EPPK1: variants seen among roughly 807,000 people sequenced by gnomAD.
The protein encoded by EPPK1 is epiplakin 1.
For missense variants in EPPK1, 3,823 were observed against 3,673.3 expected (o/e 1.04, Z -1.05); for synonymous variants, 1,862 against 1,721.2 (o/e 1.08, Z -2.03).
chr8:143,857,781 A>G lies in EPPK1; in HGVS notation c.*206T>C, dbSNP rs1171106230. 2.0e-6 allele frequency: 1 copy of G among 492,162 alleles called. No homozygotes were observed. The highest frequency in any genetic ancestry group is 3.8e-5 in the Admixed American group (1 of 26,460). 30.5% of individuals were successfully genotyped at this position (492,162 alleles called of 1,614,324 possible). ...ATGACACATAGACGACCCAGAAAAC[A>G]CACCAAAAAACTTATGAAACACCTC... is the stretch of plus-strand genomic sequence containing the variant. On this transcript the variant is annotated 3_prime_UTR_variant, in exon 2 of 2. Coordinates refer to ENST00000615648, the MANE Select transcript of EPPK1 (RefSeq NM_031308.4).
intron 1 of EPPK1, among the ~76,000 whole-genome samples, chr8:143,875,279 G>A (rs190618350): frequency 6.2e-4 from 95 of 152,282 alleles, no homozygotes; most frequent in African/African-American, 1.6e-3. Flanking sequence ...GTCGAGGCTC[G>A]TAGATGCCCC....
intron 1 of EPPK1, among the ~76,000 whole-genome samples, chr8:143,876,974 C>G (rs1417824280): frequency 6.6e-6 from 1 of 152,262 alleles, no homozygotes; most frequent in Non-Finnish European, 1.5e-5. Context: ...AGGCCGCGTG[C>G]TAAGCGGGCC....
Position 143,870,710 on chromosome 8 carries a change from C to T in EPPK1, c.2544G>A (p.Arg848=), listed in dbSNP as rs781885897. The change falls in exon 2 of 2, where the codon AGG becomes AGA. Residue 848 remains arginine, a synonymous_variant. Coordinates refer to ENST00000615648, the MANE Select transcript of EPPK1 (RefSeq NM_031308.4). This position sits in a 1 kb window ranked among gnomAD's most constrained non-coding sequence, Gnocchi z 5.2. Reference sequence around the variant, plus strand: ...GCTGCCGGTAGCGACGCAGCAGCTGCCTCCTGCGGCCCTCGCTGAAGTACT... The same window carrying T: ...GCTGCCGGTAGCGACGCAGCAGCTGTCTCCTGCGGCCCTCGCTGAAGTACT... ...NSEYFSEGRR[R]QLLRRYRQRE... 3 of 1,610,978 alleles carry T rather than the reference C, an allele frequency of 1.9e-6. No individual in the cohort carries two copies. Among genetic ancestry groups the T allele is most frequent in the South Asian group, 1.1e-5 (1 of 90,872 alleles).
At chr8:143,875,952 C>T (rs987675208) in intron 1 of EPPK1, among the ~76,000 whole-genome samples, 5 of 152,076 alleles carry the variant, frequency 3.3e-5, no homozygotes, top group African/African-American at 9.7e-5. Context: ...CCCCACCCCC[C>T]ACCCCCCACT....
rs2130643015 is a variant in EPPK1, at chr8:143,870,921, T to C, written c.2333A>G (p.Tyr778Cys). ...CACACAGCGCTCCAGAAGCTGCAGG[T>C]ACGTGAGGTTCTCGTGCGTGTTGGG... ...FDPNTHENLT[Y>C]LQLLERCVRD... is the part of the protein sequence containing the mutation. The change falls in exon 2 of 2, where the codon TAC (tyrosine) becomes TGC (cysteine). Residue 778 changes from tyrosine to cysteine, a missense_variant. Transcript: ENST00000615648. This position sits in a 1 kb window ranked among gnomAD's most constrained non-coding sequence, Gnocchi z 5.2. 1.9e-6 allele frequency: 3 copies of C among 1,613,404 alleles called. No individual in the cohort carries two copies. The East Asian group carries it at 6.7e-5, about 36-fold the overall frequency.
In EPPK1 at chr8:143,866,831, C is replaced by T. The variant is rs781808161; in HGVS notation, c.6423G>A (p.Arg2141=). Residue 2141 remains arginine (R), a synonymous_variant, in exon 2 of 2, where the codon AGG becomes AGA. Transcript: ENST00000615648. ...VTEEKKLQLV[R]MYRTHTRRAL... ...CCCGTCTGGTGTGTGTTCTATACAT[C>T]CTCACCAGCTGGAGCTTCTTCTCCT... 3.7e-6 allele frequency: 6 copies of T among 1,613,408 alleles called. No individual in the cohort carries two copies. Among genetic ancestry groups the T allele is most frequent in the South Asian group, 1.1e-5 (1 of 91,088 alleles).
Position 143,868,901 on chromosome 8 carries a change from C to G in EPPK1, c.4353G>C (p.Arg1451Ser), listed in dbSNP as rs782047593. ...EVDDHTAVAL[R>S]AMKVPVSTGR... ...CTGTGCTGACGGGCACCTTCATGGC[C>G]CTCAGAGCCACCGCGGTGTGGTCGT... is the stretch of plus-strand genomic sequence containing the variant. The change falls in exon 2 of 2, where the codon AGG becomes AGC. Residue 1451 changes from arginine (R) to serine (S), a missense_variant. Arg to Ser is a moderately radical substitution (Grantham distance 110). Coordinates refer to ENST00000615648, the MANE Select transcript of EPPK1 (RefSeq NM_031308.4). 1 of 1,611,070 alleles carries G rather than the reference C, an allele frequency of 6.2e-7. No individual in the cohort carries two copies. Among genetic ancestry groups the G allele is most frequent in the Non-Finnish European group, 8.5e-7 (1 of 1,179,848 alleles).
At chr8:143,878,681 G>A (rs781934654), upstream of EPPK1, among the ~76,000 whole-genome samples, 4 of 151,840 alleles carry the variant, frequency 2.6e-5, no homozygotes, top group Non-Finnish European at 4.4e-5. Context: ...CACCGCGAAG[G>A]AACGCAGGGC....
Position 143,868,584 on chromosome 8 carries a change from A to G in EPPK1, c.4670T>C (p.Val1557Ala). ...LSQGTTTVKE[V>A]AEMDSVKRSL... is the part of the protein sequence containing the mutation. ...CCGCTTCACGCTGTCCATCTCCGCC[A>G]CCTCCTTCACAGTCGTTGTCCCCTG... The change falls in exon 2 of 2, where the codon GTG (valine) becomes GCG (alanine). Residue 1557 changes from valine to alanine, a missense_variant. Transcript: ENST00000615648. 1 of 1,602,984 alleles carries G rather than the reference A, an allele frequency of 6.2e-7. No individual in the cohort carries two copies. Among genetic ancestry groups the G allele is most frequent in the Non-Finnish European group, 8.5e-7 (1 of 1,175,520 alleles).
At chr8:143,878,379 GCACCCGCCGCACCTGC>G (rs2130665413) in intron 1 of EPPK1, 43 bp downstream of exon 1, 5 of 133,388 alleles carry the variant, frequency 3.7e-5, no homozygotes, top group Non-Finnish European at 6.5e-5. Flanking sequence ...GCACCTGCCC[GCACCCGCCGCACCTGC>G]CCGCACCCGC....
chr8:143,870,611 G>C lies in EPPK1; in HGVS notation c.2643C>G (p.Pro881=). ...ETQRQADIML[P]ALRSRVTVHQ... ...GGACGGTGACCCGGCTCCGCAGTGCGGGCAGCATGATGTCCGCCTGTCTCT... is the reference window on the plus strand; with the variant it reads ...GGACGGTGACCCGGCTCCGCAGTGCCGGCAGCATGATGTCCGCCTGTCTCT... The change falls in exon 2 of 2, where the codon CCC becomes CCG. Residue 881 remains proline, a synonymous_variant. Transcript: ENST00000615648. This position sits in a 1 kb window ranked among gnomAD's most constrained non-coding sequence, Gnocchi z 5.2. 6.2e-7 allele frequency: 1 copy of C among 1,607,028 alleles called. No homozygotes were observed. The highest frequency in any genetic ancestry group is 8.5e-7 in the Non-Finnish European group (1 of 1,177,728).
In EPPK1 at chr8:143,866,321, G is replaced by A. The variant is rs1305361003; in HGVS notation, c.6933C>T (p.Thr2311=). 3.3e-5 allele frequency: 18 copies of A among 544,234 alleles called. No individual in the cohort carries two copies. The highest frequency in any genetic ancestry group is 1.0e-4 in the African/African-American group (3 of 28,704). 33.7% of individuals were successfully genotyped at this position (544,234 alleles called of 1,614,324 possible). A position where few individuals can be genotyped will look rare whatever the true frequency, so the allele number is the denominator to read the frequency against. Residue 2311 remains threonine, a synonymous_variant, in exon 2 of 2, where the codon ACC becomes ACT. Coordinates refer to ENST00000615648, the MANE Select transcript of EPPK1 (RefSeq NM_031308.4). ...LSAERAVTGY[T]DPYTGQQISL... ...AGATCTGCTGCCCGGTGTAGGGGTC[G>A]GTGTAGCCGGTGACGGCGCGCTCGG...
Position 143,857,796 on chromosome 8 carries a change from T to A in EPPK1, c.*191A>T, listed in dbSNP as rs551380903. On this transcript the variant is annotated 3_prime_UTR_variant, in exon 2 of 2. Transcript: ENST00000615648. ...CCCAGAAAACACACCAAAAAACTTA[T>A]GAAACACCTCGATGGACAAAGGAAA... The A allele has an allele frequency of 3.4e-5, 17 of 505,568 alleles. No individual in the cohort carries two copies. The South Asian group carries it at 5.7e-4, about 17-fold the overall frequency. 31.3% of individuals were successfully genotyped at this position (505,568 alleles called of 1,614,324 possible).
chr8:143,874,291 C>G (rs10112287), intron 1 of EPPK1, among the ~76,000 whole-genome samples: 2,059 of 152,330 alleles, frequency 0.014, 40 homozygotes, highest in African/African-American at 0.046. Flanking sequence ...CCCTTCTGCA[C>G]CAGATTGAAT....
At position 143,870,352 on chromosome 8, in the gene EPPK1, C is replaced by A; in HGVS notation, c.2902G>T (p.Ala968Ser). ...RVALALLEAQAATGTIMDPHS... is the reference protein window; with the variant it reads ...RVALALLEAQSATGTIMDPHS... ...GGGTCCATGATGGTTCCGGTGGCCG[C>A]CTGGGCCTCCAGCAGGGCCAGGGCC... The change falls in exon 2 of 2, where the codon GCG becomes TCG. Residue 968 changes from alanine to serine, a missense_variant. Physicochemically the swap from Ala to Ser is moderately conservative, Grantham distance 99 (BLOSUM62 1). Coordinates refer to ENST00000615648, the MANE Select transcript of EPPK1 (RefSeq NM_031308.4). This position sits in a 1 kb window ranked among gnomAD's most constrained non-coding sequence, Gnocchi z 5.2. 1 of 1,560,192 alleles carries A rather than the reference C, an allele frequency of 6.4e-7. No homozygotes were observed.
At chr8:143,878,871 G>A (rs1819544444), upstream of EPPK1, among the ~76,000 whole-genome samples, 1 of 151,992 alleles carries the variant, frequency 6.6e-6, no homozygotes, top group Non-Finnish European at 1.5e-5. Flanking sequence ...TCCTGGGGAC[G>A]CTGCTTCACG....
chr8:143,870,439 G>C lies in EPPK1; in HGVS notation c.2815C>G (p.Pro939Ala), dbSNP rs112031224. Residue 939 changes from proline to alanine, a missense_variant, in exon 2 of 2, where the codon CCC becomes GCC. Coordinates refer to ENST00000615648, the MANE Select transcript of EPPK1 (RefSeq NM_031308.4). This position sits in a 1 kb window ranked among gnomAD's most constrained non-coding sequence, Gnocchi z 5.2. Reference protein sequence around the residue: ...LGAVGGVRLLPSGQRLSLYQA... With the variant: ...LGAVGGVRLLASGQRLSLYQA... ...TAGAGGCTGAGCCGCTGGCCAGAGG[G>C]CAGCAGCCGCACACCGCCCACAGCT... The C allele has an allele frequency of 6.3e-7, 1 of 1,597,798 alleles. No individual in the cohort carries two copies. The highest frequency in any genetic ancestry group is 1.3e-5 in the African/African-American group (1 of 74,870).
At chr8:143,874,805 C>T (rs782335312) in intron 1 of EPPK1, among the ~76,000 whole-genome samples, 14 of 152,192 alleles carry the variant, frequency 9.2e-5, no homozygotes, top group Middle Eastern at 3.4e-3. Context: ...TGCTCAGCAG[C>T]CTGTCCATGA....
rs782436812 is a variant in EPPK1, at chr8:143,873,220, G to C, written c.34C>G (p.Pro12Ala). The change falls in exon 2 of 2, where the codon CCA (proline) becomes GCA (alanine). Residue 12 changes from proline to alanine, a missense_variant. Transcript: ENST00000615648. ...GCCTGCTCTGTGCTGTTGGTGCCTG[G>C]GACGGGAAGAGGAGGCAAGGTGTGG... is the stretch of plus-strand genomic sequence containing the variant. Reference protein sequence around the residue: ...SGHTLPPLPVPGTNSTEQASV... With the variant: ...SGHTLPPLPVAGTNSTEQASV... The C allele has an allele frequency of 6.3e-7, 1 of 1,578,296 alleles. No individual in the cohort carries two copies. Among genetic ancestry groups the C allele is most frequent in the South Asian group, 1.2e-5 (1 of 85,336 alleles).
Sources: gnomAD v4.1 joint callset for allele counts (sites outside exome capture counted in the v4.1 genomes callset) on GRCh38, gnomAD v4.1.1 for gene constraint, Gnocchi (gnomAD v3.1) non-coding constraint, MANE v1.5 for transcripts, NCBI Gene and HGNC (gene_info 2026-07-23, HGNC 2026-07-21) for gene names.